Variants in SPAG17 observed in about 807,000 individuals in gnomAD.
SPAG17 encodes sperm associated antigen 17, also known as sperm-associated antigen 17.
Under a neutral mutation model 273.6 loss-of-function variants are expected in SPAG17, and 169 were observed. That is an observed-to-expected ratio of 0.62 (90% CI 0.55 to 0.70). The LOEUF (loss-of-function observed/expected upper bound fraction) is 0.70, where lower values mean the gene tolerates loss of function less well. Among genes scored for constraint, SPAG17 ranks in the 30% least tolerant of loss-of-function variants. The pLI is 0.00. For synonymous variants in SPAG17, 825 were observed against 873.2 expected (o/e 0.94, Z 0.97); for missense variants, 2,557 against 2,627.8 (o/e 0.97, Z 0.59).
intron 4 of SPAG17, among the ~76,000 whole-genome samples, chr1:118,110,269 A>C (rs1656683237): frequency 6.6e-6 from 1 of 152,334 alleles, no homozygotes; most frequent in Non-Finnish European, 1.5e-5. Flanking sequence ...CACTGTGATA[A>C]TGAGTAGAAA....
intron 3 of SPAG17, among the ~76,000 whole-genome samples, chr1:118,116,786 T>A (rs1389394995): frequency 3.3e-5 from 5 of 152,198 alleles, no homozygotes; most frequent in African/African-American, 1.2e-4. Context: ...CCAAAGGAAC[T>A]AACCAAGTGT....
rs1659086656 is a variant in SPAG17, at chr1:118,008,087, C to G, written c.4544G>C (p.Gly1515Ala). ...CEDSSCCATF[G>A]DGTTIIAKPQ... ...CTTTGCAATAATAGTTGTTCCATCT[C>G]CAAAGGTGGCACAGCAGCTACTGTC... The change falls in exon 31 of 49, where the codon GGA becomes GCA. Residue 1515 changes from glycine to alanine, a missense_variant. By Grantham distance (60) the Gly-to-Ala change is moderately conservative. Transcript: ENST00000336338. The G allele has an allele frequency of 6.2e-7, 1 of 1,614,034 alleles. No homozygotes were observed.
chr1:117,979,402 T>G (rs59703251), intron 43 of SPAG17, among the ~76,000 whole-genome samples: 3,981 of 152,256 alleles, frequency 0.026, 181 homozygotes, highest in African/African-American at 0.088. Context: ...GCAAATTCTA[T>G]TGGCTCCACC....
chr1:118,014,642 C>T (rs1659787199), intron 29 of SPAG17, among the ~76,000 whole-genome samples: 1 of 152,122 alleles, frequency 6.6e-6, no homozygotes, highest in African/African-American at 2.4e-5. Flanking sequence ...ATCATGTAAT[C>T]CATCTTAATA....
chr1:118,031,900 T>G, intron 24 of SPAG17, 33 bp from the exon 25 acceptor site: 1 of 1,488,168 alleles, frequency 6.7e-7, no homozygotes, highest in Non-Finnish European at 9.2e-7. Context: ...TGAAGTTGAT[T>G]CAACATTCAT....
chr1:117,995,339 A>G (rs763874409), intron 34 of SPAG17, among the ~76,000 whole-genome samples: 2 of 151,962 alleles, frequency 1.3e-5, no homozygotes, highest in Non-Finnish European at 2.9e-5. Context: ...GTTAACATCT[A>G]TCTCTCCCAG....
intron 45 of SPAG17, among the ~76,000 whole-genome samples, chr1:117,971,373 C>G (rs75557888): frequency 0.011 from 1,690 of 152,284 alleles, 29 homozygotes; most frequent in African/African-American, 0.039. Context: ...GATGTTACAA[C>G]AAGTTACACA....
At chr1:117,988,069 T>C in intron 39 of SPAG17, 36 bp downstream of exon 39, 1 of 1,545,162 alleles carries the variant, frequency 6.5e-7, no homozygotes, top group Non-Finnish European at 8.8e-7. Context: ...ACTGCATACC[T>C]AATACTAATT....
At chr1:118,072,128 A>G (rs373152185) in intron 17 of SPAG17, among the ~76,000 whole-genome samples, 3 of 152,242 alleles carry the variant, frequency 2.0e-5, no homozygotes, top group Admixed American at 1.3e-4. Flanking sequence ...TTATTTTTCT[A>G]AGGACAATCT....
chr1:118,152,628 T>G (rs1480428434), intron 1 of SPAG17, among the ~76,000 whole-genome samples: 1 of 152,116 alleles, frequency 6.6e-6, no homozygotes, highest in Non-Finnish European at 1.5e-5. Context: ...CATAAAAATG[T>G]ATATTTTACT....
intron 48 of SPAG17, chr1:117,954,456 T>A: frequency 1.1e-6 from 1 of 880,420 alleles, no homozygotes; most frequent in Non-Finnish European, 1.7e-6. Flanking sequence ...TTACACTCTG[T>A]CAGTTTTTTA....
At chr1:117,972,083 T>C (rs777547848) in intron 44 of SPAG17, 36 bp from the exon 45 acceptor site, 2 of 1,550,738 alleles carry the variant, frequency 1.3e-6, no homozygotes, top group Non-Finnish European at 1.7e-6. Flanking sequence ...AATGGTTCTA[T>C]TTTGAGTTCC....
chr1:118,005,436 T>A lies in SPAG17; in HGVS notation c.4754A>T (p.Asp1585Val), dbSNP rs963147510. ...HTSEVICEVL[D>V]PEGNTFQVMA... ...TACCTGAAAAGTGTTTCCCTCAGGA[T>A]CCAGAACCTCACAGATAACCTCTGA... is the stretch of plus-strand genomic sequence containing the variant. Residue 1585 changes from aspartate (D) to valine (V), a missense_variant, in exon 32 of 49, where the codon GAT (aspartate) becomes GTT (valine). Asp to Val is a radical substitution (Grantham distance 152, BLOSUM62 -3). Coordinates refer to ENST00000336338, the MANE Select transcript of SPAG17 (RefSeq NM_206996.4). The A allele has an allele frequency of 6.2e-7, 1 of 1,609,996 alleles. No individual in the cohort carries two copies. Among genetic ancestry groups the A allele is most frequent in the African/African-American group, 1.3e-5 (1 of 74,902 alleles).
intron 18 of SPAG17, among the ~76,000 whole-genome samples, chr1:118,061,610 G>A (rs1295300035): frequency 6.6e-6 from 1 of 152,036 alleles, no homozygotes; most frequent in African/African-American, 2.4e-5. Flanking sequence ...TTAAAAGAAG[G>A]GATCACGTGT....
At chr1:117,963,204 T>C (rs2101393811) in intron 48 of SPAG17, 1 of 152,136 alleles carries the variant, frequency 6.6e-6, no homozygotes, top group East Asian at 1.9e-4. Flanking sequence ...GAGTATGGGG[T>C]CGGACCTAGT....
intron 47 of SPAG17, chr1:117,965,758 G>A (rs1653754761): frequency 6.6e-6 from 1 of 152,192 alleles, no homozygotes; most frequent in East Asian, 1.9e-4. Context: ...ACAGGGTCAG[G>A]AATCTGCAGT....
intron 33 of SPAG17, 37 bp downstream of exon 33, chr1:117,996,561 C>G: frequency 6.2e-7 from 1 of 1,602,010 alleles, no homozygotes; most frequent in Non-Finnish European, 8.5e-7. Context: ...TCCTTGAACT[C>G]AGAATTAAAA....
chr1:117,971,897 C>A lies in SPAG17; in HGVS notation c.6292G>T (p.Val2098Leu). 1 of 1,613,950 alleles carries A rather than the reference C, an allele frequency of 6.2e-7. No homozygotes were observed. Among genetic ancestry groups the A allele is most frequent in the Non-Finnish European group, 8.5e-7 (1 of 1,179,922 alleles). ...TCCACTCCAACATTCTTGAGCTTTA[C>A]AACTGTGGCATAGGTATGTCCTTCC... ...LKEGHTYATV[V>L]KLKNVGVDFC... The change falls in exon 45 of 49, where the codon GTA becomes TTA. Residue 2098 changes from valine to leucine, a missense_variant. Val to Leu is a conservative substitution (Grantham distance 32, BLOSUM62 1). Coordinates refer to ENST00000336338, the MANE Select transcript of SPAG17 (RefSeq NM_206996.4).
intron 3 of SPAG17, among the ~76,000 whole-genome samples, chr1:118,135,780 T>C (rs758808222): frequency 6.6e-6 from 1 of 152,128 alleles, no homozygotes; most frequent in Non-Finnish European, 1.5e-5. Flanking sequence ...TTTAAGACAA[T>C]GGGAAACACT....
Sources: gnomAD v4.1 joint callset for allele counts (sites outside exome capture counted in the v4.1 genomes callset) on GRCh38, gnomAD v4.1.1 for gene constraint, MANE v1.5 for transcripts, NCBI Gene and HGNC (gene_info 2026-07-23, HGNC 2026-07-21) for gene names.